CDC42EP3: variants seen among roughly 807,000 people sequenced by gnomAD.
The protein encoded by CDC42EP3 is CDC42 effector protein (Rho GTPase binding) 3.
CDC42EP3 carries 4 observed loss-of-function variants against 15.5 expected under a neutral mutation model. The observed-to-expected ratio is 0.26, with a 90% CI of 0.13 to 0.59. The LOEUF (loss-of-function observed/expected upper bound fraction) is 0.59, where lower values mean the gene tolerates loss of function less well. Ranked by LOEUF, CDC42EP3 falls within the 20% of genes least tolerant of loss-of-function variation. The probability of loss-of-function intolerance (pLI) is 0.89; values close to 1 mark genes in which losing one functional copy is unlikely to be tolerated. For synonymous variants in CDC42EP3, 145 were observed against 130.3 expected, an observed-to-expected ratio of 1.11 and a Z score of -0.77; for missense variants, 309 against 311.2, an observed-to-expected ratio of 0.99 and a Z score of 0.05.
chr2:37,655,691 G>T (rs542538641), intron 1 of CDC42EP3, among the ~76,000 whole-genome samples: 1 of 152,314 alleles, frequency 6.6e-6, no homozygotes, highest in African/African-American at 2.4e-5. Context: ...CTCTGATAAG[G>T]CCATTGCTGT....
rs145276111 is a variant in CDC42EP3, at chr2:37,653,522, A to T, written c.-235-6700T>A. ...TCTTACCATCTTTTTGGCAAACAGA[A>T]TGATGCTGAAAATATCAAAACAGGG... On this transcript the variant is annotated intron_variant, in intron 1 of 1. Coordinates refer to ENST00000295324, the MANE Select transcript of CDC42EP3 (RefSeq NM_006449.5). Among the ~76,000 whole-genome samples the T allele has an allele frequency of 9.5e-4, 144 of 152,282 alleles. No individual in the cohort carries two copies. The Middle Eastern group carries it at 0.024, about 25-fold the overall frequency.
chr2:37,670,114 C>A (rs537190634), intron 1 of CDC42EP3, among the ~76,000 whole-genome samples: 1 of 152,098 alleles, frequency 6.6e-6, no homozygotes, highest in Non-Finnish European at 1.5e-5. Flanking sequence ...ATTACAGGAG[C>A]CTTTTAAATT....
chr2:37,659,098 A>G (rs556230080), intron 1 of CDC42EP3, among the ~76,000 whole-genome samples: 60 of 152,202 alleles, frequency 3.9e-4, no homozygotes, highest in Non-Finnish European at 6.8e-4. Context: ...AGCAACTATC[A>G]CACTGGATTA....
At position 37,647,923 on chromosome 2, in the gene CDC42EP3, C is replaced by T. The variant is rs752517766; in HGVS notation, c.-235-1101G>A. Among the ~76,000 whole-genome samples, 8 of 152,192 alleles carry T rather than the reference C, an allele frequency of 5.3e-5. No homozygotes were observed. The East Asian group carries it at 5.8e-4, about 11-fold the overall frequency. ...CCCAGTTGAGCCTCTGATGAGACCA[C>T]CACCCTGACCCACACTGAATCATAA... On this transcript the variant is annotated intron_variant, in intron 1 of 1. Coordinates refer to ENST00000295324, the MANE Select transcript of CDC42EP3 (RefSeq NM_006449.5).
intron 1 of CDC42EP3, among the ~76,000 whole-genome samples, chr2:37,648,885 G>A (rs1263058727): frequency 1.3e-5 from 2 of 151,910 alleles, no homozygotes; most frequent in African/African-American, 4.9e-5. Flanking sequence ...GCCTGCAGGA[G>A]CAGCTGGGTG....
intron 1 of CDC42EP3, among the ~76,000 whole-genome samples, chr2:37,663,685 A>G (rs1457465824): frequency 1.3e-5 from 2 of 152,224 alleles, no homozygotes; most frequent in African/African-American, 4.8e-5. Flanking sequence ...CTACAGCAGG[A>G]CTTAAAAATA....
At chr2:37,647,817 A>T (rs961604644) in intron 1 of CDC42EP3, among the ~76,000 whole-genome samples, 5 of 152,116 alleles carry the variant, frequency 3.3e-5, no homozygotes, top group African/African-American at 1.2e-4. Context: ...GGCTGTGGAG[A>T]GGTGAGCAGT....
chr2:37,653,937 G>A (rs17021202), intron 1 of CDC42EP3, among the ~76,000 whole-genome samples: 5,355 of 152,122 alleles, frequency 0.035, 308 homozygotes, highest in African/African-American at 0.12. Flanking sequence ...TTTCTGGCTC[G>A]GTTGTCACAT....
At position 37,646,842 on chromosome 2, in the gene CDC42EP3, A is replaced by T. The variant is rs1270937421; in HGVS notation, c.-235-20T>A. On this transcript the variant is annotated intron_variant, in intron 1 of 1. Transcript: ENST00000295324. ...ACAAACCTGCAGAAGAAACCAAAGC[A>T]GGTTATAAGCTAAAGACCCTTTTGG... 8.5e-6 allele frequency: 3 copies of T among 354,644 alleles called. No homozygotes were observed. The highest frequency in any genetic ancestry group is 5.3e-5 in the East Asian group (1 of 18,808). 22.0% of individuals were successfully genotyped at this position (354,644 alleles called of 1,614,324 possible). A position where few individuals can be genotyped will look rare whatever the true frequency, so the allele number is the denominator to read the frequency against.
intron 1 of CDC42EP3, among the ~76,000 whole-genome samples, chr2:37,664,729 G>A (rs1666199172): frequency 1.3e-5 from 2 of 152,206 alleles, no homozygotes; most frequent in Admixed American, 6.5e-5. Flanking sequence ...TGAGGAGCCG[G>A]TAGTCTAATT....
intron 1 of CDC42EP3, among the ~76,000 whole-genome samples, chr2:37,649,604 G>A (rs902332525): frequency 1.2e-4 from 19 of 152,056 alleles, no homozygotes; most frequent in South Asian, 4.1e-4. Flanking sequence ...GAGAAAGTGT[G>A]TGCTGCTGAG....
intron 1 of CDC42EP3, among the ~76,000 whole-genome samples, chr2:37,664,472 C>A (rs896008982): frequency 6.6e-6 from 1 of 152,194 alleles, no homozygotes; most frequent in Admixed American, 6.5e-5. Flanking sequence ...ACCTTATGAT[C>A]ATGTGAGTCA....
At chr2:37,654,009 C>G (rs879765953) in intron 1 of CDC42EP3, among the ~76,000 whole-genome samples, 12 of 152,282 alleles carry the variant, frequency 7.9e-5, no homozygotes, top group African/African-American at 2.9e-4. Flanking sequence ...TCGCACTATG[C>G]GGCCAGTCAC....
In CDC42EP3 at chr2:37,656,732, G is replaced by T. The variant is rs148686601; in HGVS notation, c.-235-9910C>A. ...ATAACTCAAGGACTGCCAACCTGAA[G>T]ACTATGTATCTTGAAGTCTGACAGC... is the stretch of plus-strand genomic sequence containing the variant. On this transcript the variant is annotated intron_variant, in intron 1 of 1. Coordinates refer to ENST00000295324, the MANE Select transcript of CDC42EP3 (RefSeq NM_006449.5). 2.5e-3 allele frequency among the ~76,000 whole-genome samples: 377 copies of T among 152,270 alleles called. 1 individual carries two copies. Among genetic ancestry groups the T allele is most frequent in the African/African-American group, 8.6e-3 (359 of 41,542 alleles).
At chr2:37,660,441 G>C (rs1019282895) in intron 1 of CDC42EP3, among the ~76,000 whole-genome samples, 1 of 152,154 alleles carries the variant, frequency 6.6e-6, no homozygotes, top group African/African-American at 2.4e-5. Flanking sequence ...CAAATGAAAC[G>C]TCCCGGAGTT....
chr2:37,658,888 C>G (rs1000057369), intron 1 of CDC42EP3, among the ~76,000 whole-genome samples: 9 of 152,220 alleles, frequency 5.9e-5, no homozygotes, highest in African/African-American at 2.2e-4. Flanking sequence ...AGTGAGGTAC[C>G]TAGAATCCTC....
intron 1 of CDC42EP3, among the ~76,000 whole-genome samples, chr2:37,653,043 A>T (rs908523066): frequency 4.6e-5 from 7 of 152,134 alleles, no homozygotes; most frequent in Non-Finnish European, 5.9e-5. Context: ...TAGTTCTTGG[A>T]TCATGGTTTG....
chr2:37,661,346 A>C (rs1448914505), intron 1 of CDC42EP3, among the ~76,000 whole-genome samples: 4 of 152,180 alleles, frequency 2.6e-5, no homozygotes, highest in Admixed American at 2.6e-4. Flanking sequence ...AGATGGGTCA[A>C]TTACTTGTAA....
intron 1 of CDC42EP3, among the ~76,000 whole-genome samples, chr2:37,658,719 T>C (rs1473929768): frequency 6.6e-6 from 1 of 152,178 alleles, no homozygotes; most frequent in Admixed American, 6.5e-5. Flanking sequence ...TCAAGTCCTA[T>C]AGTCCTATCA....
Sources: allele counts gnomAD v4.1 joint callset (sites outside exome capture counted in the v4.1 genomes callset), GRCh38; gene constraint gnomAD v4.1.1; transcripts MANE v1.5; gene names NCBI Gene and HGNC (gene_info 2026-07-23, HGNC 2026-07-21).